Variants in GTF2B observed in about 807,000 individuals in gnomAD.
GTF2B encodes the protein transcription initiation factor IIB.
Under a neutral mutation model 34.6 loss-of-function variants are expected in GTF2B, and 20 were observed. That is an observed-to-expected ratio of 0.58 (90% confidence interval 0.41 to 0.84). The LOEUF (loss-of-function observed/expected upper bound fraction) is 0.84, where lower values mean the gene tolerates loss of function less well. Ranked by LOEUF, GTF2B falls within the 40% of genes least tolerant of loss-of-function variation. The pLI, the probability that GTF2B is intolerant of heterozygous loss-of-function variation, is 0.00. For synonymous variants in GTF2B, 142 were observed against 132.4 expected (o/e 1.07, Z -0.50); for missense variants, 237 against 393.3 (o/e 0.60, Z 3.36).
At chr1:88,880,912 G>C (rs950883296) in intron 2 of GTF2B, among the ~76,000 whole-genome samples, 14 of 151,334 alleles carry the variant, frequency 9.3e-5, no homozygotes, top group Non-Finnish European at 2.1e-4. Context: ...GAGTGGCTGA[G>C]GCATGAGAAT....
intron 2 of GTF2B, among the ~76,000 whole-genome samples, chr1:88,871,780 G>A (rs1015827866): frequency 6.6e-6 from 1 of 152,092 alleles, no homozygotes; most frequent in African/African-American, 2.4e-5. Context: ...TGGCCAGGGT[G>A]GAATGCAATG....
intron 5 of GTF2B, chr1:88,858,561 C>T (rs998525354): frequency 1.3e-5 from 2 of 152,154 alleles, no homozygotes; most frequent in African/African-American, 4.8e-5. Flanking sequence ...GCAACCACCA[C>T]ACACTTTCAG....
chr1:88,865,550 C>T lies in GTF2B; in HGVS notation c.125-1436G>A, dbSNP rs188198529. ...CAGCCTGACCAAGATGGAGAAACCC[C>T]GTCTCTACTAAAAATACAAAATTAG... On this transcript the variant is annotated intron_variant, in intron 2 of 6. Coordinates refer to ENST00000370500, the MANE Select transcript of GTF2B (RefSeq NM_001514.6). 7.7e-3 allele frequency among the ~76,000 whole-genome samples: 1,164 copies of T among 152,060 alleles called. 9 individuals are homozygous for T. The highest frequency in any genetic ancestry group is 0.011 in the Non-Finnish European group (730 of 67,992).
chr1:88,859,739 G>C, intron 5 of GTF2B, 143 bp downstream of exon 5: 1 of 631,998 alleles, frequency 1.6e-6, no homozygotes. Flanking sequence ...AGGAGGCTGA[G>C]GCAGGAGTAT....
chr1:88,888,794 G>A (rs925245137), intron 1 of GTF2B, among the ~76,000 whole-genome samples: 2 of 152,172 alleles, frequency 1.3e-5, no homozygotes, highest in Non-Finnish European at 2.9e-5. Flanking sequence ...ACAGAATCTA[G>A]ACAGCAGAAT....
intron 1 of GTF2B, 82 bp downstream of exon 1, chr1:88,891,401 C>CGAGGCTGCCCG (rs1674204090): frequency 1.8e-6 from 2 of 1,083,242 alleles, no homozygotes; most frequent in South Asian, 2.7e-5. Context: ...CTCAGCCCTA[C>CGAGGCTGCCCG]GAGGCTGCCC....
chr1:88,887,435 G>A (rs1674101276), intron 1 of GTF2B, 68 bp from the exon 2 acceptor site: 2 of 914,154 alleles, frequency 2.2e-6, no homozygotes, highest in Non-Finnish European at 3.6e-6. Context: ...TTCTGGGATG[G>A]GGGATGGGGA....
intron 2 of GTF2B, among the ~76,000 whole-genome samples, chr1:88,880,355 G>GT (rs1201182701): frequency 6.6e-6 from 1 of 152,172 alleles, no homozygotes; most frequent in Non-Finnish European, 1.5e-5. Context: ...CATTTTCTTA[G>GT]TGTAAGAGGT....
chr1:88,860,889 A>C (rs1570719995), intron 3 of GTF2B, among the ~76,000 whole-genome samples: 1 of 152,202 alleles, frequency 6.6e-6, no homozygotes, highest in Admixed American at 6.5e-5. Context: ...AGACAAAGGT[A>C]CCTCCTACTG....
At chr1:88,889,134 G>C (rs1674139482) in intron 1 of GTF2B, among the ~76,000 whole-genome samples, 1 of 152,186 alleles carries the variant, frequency 6.6e-6, no homozygotes, top group Admixed American at 6.5e-5. Flanking sequence ...TAAACACTAG[G>C]AAAACACCAA....
chr1:88,873,898 T>C (rs1484036743), intron 2 of GTF2B, among the ~76,000 whole-genome samples: 2 of 152,218 alleles, frequency 1.3e-5, no homozygotes, highest in East Asian at 3.9e-4. Context: ...AGCAGCCACA[T>C]ACATGCCCAT....
rs765198986 is a variant in GTF2B, at chr1:88,887,322, C to T, written c.63G>A (p.Ala21=). 5.6e-6 allele frequency: 9 copies of T among 1,613,176 alleles called. No individual in the cohort carries two copies. The Middle Eastern group carries it at 8.3e-4, about 148-fold the overall frequency. ...PRVTCPNHPD[A]ILVEDYRAGD... ...CGGCTCTGTAGTCCTCCACTAAAAT[C>T]GCATCTGGATGGTTTGGACATGTGA... is the stretch of plus-strand genomic sequence containing the variant. Residue 21 remains alanine, a synonymous_variant, in exon 2 of 7, where the codon GCG becomes GCA. Coordinates refer to ENST00000370500, the MANE Select transcript of GTF2B (RefSeq NM_001514.6).
chr1:88,876,563 C>T (rs1479599900), intron 2 of GTF2B, among the ~76,000 whole-genome samples: 1 of 151,846 alleles, frequency 6.6e-6, no homozygotes. Flanking sequence ...GAGCCCGTGG[C>T]GACAGCTACT....
intron 3 of GTF2B, among the ~76,000 whole-genome samples, chr1:88,862,476 A>C (rs1233275653): frequency 6.6e-6 from 1 of 152,144 alleles, no homozygotes; most frequent in African/African-American, 2.4e-5. Flanking sequence ...TGGGAGGTGG[A>C]GGTTGCAGTG....
At chr1:88,884,023 C>CTTTTT (rs56745053) in intron 2 of GTF2B, among the ~76,000 whole-genome samples, 3 of 111,208 alleles carry the variant, frequency 2.7e-5, no homozygotes, top group East Asian at 2.6e-4. Flanking sequence ...TCAGCACTGA[C>CTTTTT]TTTTTTTTTT....
At chr1:88,876,019 G>A (rs1673809460) in intron 2 of GTF2B, among the ~76,000 whole-genome samples, 1 of 151,742 alleles carries the variant, frequency 6.6e-6, no homozygotes, top group African/African-American at 2.4e-5. Context: ...TACTCAAGCA[G>A]TTAATGAGTA....
chr1:88,882,713 T>A (rs544960616), intron 2 of GTF2B, among the ~76,000 whole-genome samples: 24 of 152,352 alleles, frequency 1.6e-4, no homozygotes, highest in Non-Finnish European at 3.1e-4. Context: ...TTCACTTTCT[T>A]TTCGCATAGA....
Position 88,860,298 on chromosome 1 carries a change from T to G in GTF2B, c.259-12A>C. On this transcript the variant is annotated splice_polypyrimidine_tract_variant and intron_variant, in intron 3 of 6. Transcript: ENST00000370500. ...GCAGCTCCTGTGCCCTATAAAACAGTTTTATAACTATGAAAAAATTTTTTG... is the reference window on the plus strand; with the variant it reads ...GCAGCTCCTGTGCCCTATAAAACAGGTTTATAACTATGAAAAAATTTTTTG... The G allele has an allele frequency of 4.4e-6, 7 of 1,583,104 alleles. No homozygotes were observed. The highest frequency in any genetic ancestry group is 6.0e-6 in the Non-Finnish European group (7 of 1,169,272).
At chr1:88,881,047 C>T (rs1257086756) in intron 2 of GTF2B, among the ~76,000 whole-genome samples, 2 of 141,688 alleles carry the variant, frequency 1.4e-5, no homozygotes, top group African/African-American at 5.4e-5. Flanking sequence ...AGTGAAGGTA[C>T]AATTGGTCAG....
Sources: gnomAD v4.1 joint callset for allele counts (sites outside exome capture counted in the v4.1 genomes callset) on GRCh38, gnomAD v4.1.1 for gene constraint, MANE v1.5 for transcripts, NCBI Gene and HGNC (gene_info 2026-07-23, HGNC 2026-07-21) for gene names.